The following TMEM59 variants were observed in gnomAD, a reference collection of about 807,000 sequenced individuals.
The protein encoded by TMEM59 is dendritic cell factor 1.
Under a neutral mutation model 42.2 loss-of-function variants are expected in TMEM59, and 44 were observed. The ratio of observed to expected loss-of-function variants is 1.04; its 90% CI spans 0.82 to 1.34. TMEM59 has a LOEUF of 1.34. Among genes scored for constraint, TMEM59 ranks in the 40% most tolerant of loss-of-function variants. TMEM59 has a pLI of 0.00. For synonymous variants in TMEM59, 148 were observed against 145.8 expected, an observed-to-expected ratio of 1.02 and a Z score of -0.11; for missense variants, 359 against 382.8, an observed-to-expected ratio of 0.94 and a Z score of 0.52.
intron 7 of TMEM59, among the ~76,000 whole-genome samples, chr1:54,032,688 T>C (rs149986208): frequency 1.3e-5 from 2 of 152,364 alleles, no homozygotes; most frequent in East Asian, 1.9e-4. Context: ...TAGATGCTAT[T>C]TGAAAAGGCT....
chr1:54,052,826 G>A (rs1280045348), intron 1 of TMEM59, among the ~76,000 whole-genome samples, 174 bp downstream of exon 1: 2 of 152,188 alleles, frequency 1.3e-5, no homozygotes, highest in Non-Finnish European at 2.9e-5. Flanking sequence ...TTCCGGTAAT[G>A]ACAGCAGAAA....
rs1180767701 is a variant in TMEM59 at position 54,032,157 on chromosome 1, T to C, written c.965A>G (p.Glu322Gly). 1 of 1,606,452 alleles carries C rather than the reference T, an allele frequency of 6.2e-7. No homozygotes were observed. The highest frequency in any genetic ancestry group is 8.5e-7 in the Non-Finnish European group (1 of 1,176,868). Residue 322 changes from glutamate (E) to glycine (G), a missense_variant, in exon 8 of 8, where the codon GAA (glutamate) becomes GGA (glycine). Transcript: ENST00000234831. ...CTTTTAAAAGAAAAATGCTTAAATT[T>C]CAGAATGAGCAAGATTCACTTTTGT... The part of the protein sequence containing the change: ...LPTKVNLAHS[E>G]I
chr1:54,050,566 C>CTTTCTTTT (rs543398131), intron 1 of TMEM59, among the ~76,000 whole-genome samples: 2 of 141,470 alleles, frequency 1.4e-5, no homozygotes, highest in African/African-American at 2.6e-5. Flanking sequence ...AAATATGTTT[C>CTTTCTTTT]TTTTTTTTTT....
At chr1:54,039,528 C>T (rs188975649) in intron 6 of TMEM59, among the ~76,000 whole-genome samples, 132 of 152,302 alleles carry the variant, frequency 8.7e-4, no homozygotes, top group Non-Finnish European at 1.4e-3. Context: ...CTTGTTTTCT[C>T]ACATAGTCTT....
At chr1:54,050,561 T>C (rs568259259) in intron 1 of TMEM59, among the ~76,000 whole-genome samples, 31 of 143,620 alleles carry the variant, frequency 2.2e-4, no homozygotes, top group Middle Eastern at 3.5e-3. Context: ...TAATTAAATA[T>C]GTTTCTTTTT....
In TMEM59 at chr1:54,034,193, CAA is replaced by C. The variant is rs200810318; in HGVS notation, c.817-1890_817-1889del. 4.9e-3 allele frequency: 741 copies of C among 150,028 alleles called. 4 individuals are homozygous for C. The highest frequency in any genetic ancestry group is 0.025 in the Middle Eastern group (8 of 320). 9.3% of individuals were successfully genotyped at this position (150,028 alleles called of 1,614,324 possible). ...GATGAACCTTGAAAATATGCTTAGT[CAA>C]AGAGGCCAGTCACAAGAGACTACAT... On this transcript the variant is annotated intron_variant, in intron 7 of 7. Transcript: ENST00000234831.
chr1:54,040,448 C>T (rs534369931), intron 6 of TMEM59, among the ~76,000 whole-genome samples: 5 of 152,244 alleles, frequency 3.3e-5, no homozygotes, highest in East Asian at 3.9e-4. Context: ...CCACTGTGCC[C>T]GGCCTCAGAC....
At chr1:54,053,208 G>A (rs1657640703), upstream of TMEM59, 1 of 1,612,384 alleles carries the variant, frequency 6.2e-7, no homozygotes, top group Non-Finnish European at 8.5e-7. Flanking sequence ...CTCTGTCACA[G>A]CAGCTCAGCT....
Position 54,047,309 on chromosome 1 carries a change from C to A in TMEM59, c.253G>T (p.Asp85Tyr). 3 of 1,613,994 alleles carry A rather than the reference C, an allele frequency of 1.9e-6. No individual in the cohort carries two copies. Among genetic ancestry groups the A allele is most frequent in the Non-Finnish European group, 2.5e-6 (3 of 1,179,950 alleles). Residue 85 changes from aspartate (D) to tyrosine (Y), a missense_variant, in exon 2 of 8, where the codon GAT (aspartate) becomes TAT (tyrosine). Transcript: ENST00000234831. ...RLFSICQFVD[D>Y]GIDLNRTKLE... ...TTAGTTCGATTTAAGTCAATTCCAT[C>A]ATCCACAAACTGACAAATTGAAAAC...
chr1:54,032,784 A>G (rs1243565138), intron 7 of TMEM59, among the ~76,000 whole-genome samples: 1 of 152,246 alleles, frequency 6.6e-6, no homozygotes, highest in Non-Finnish European at 1.5e-5. Flanking sequence ...TGTTAATACC[A>G]TATACAAGAA....
At chr1:54,035,107 T>C (rs1298188446) in intron 7 of TMEM59, among the ~76,000 whole-genome samples, 2 of 152,228 alleles carry the variant, frequency 1.3e-5, no homozygotes, top group Non-Finnish European at 1.5e-5. Flanking sequence ...TATATAAATG[T>C]TAGTTATCAA....
intron 1 of TMEM59, 49 bp downstream of exon 1, chr1:54,052,951 G>GA (rs1346355235): frequency 6.4e-7 from 1 of 1,565,528 alleles, no homozygotes; most frequent in Non-Finnish European, 8.7e-7. Context: ...GGGGAGCCGA[G>GA]AAATGGGCTG....
chr1:54,035,588 A>C (rs917842127), intron 7 of TMEM59, among the ~76,000 whole-genome samples: 5 of 151,772 alleles, frequency 3.3e-5, no homozygotes, highest in African/African-American at 9.7e-5. Flanking sequence ...GAATATAACA[A>C]CTCAAAATCA....
chr1:54,047,637 A>G (rs915367583), intron 1 of TMEM59: 4 of 379,696 alleles, frequency 1.1e-5, no homozygotes, highest in African/African-American at 8.7e-5. Flanking sequence ...TTTGGTTACA[A>G]TCTGTGGGGG....
intron 7 of TMEM59, among the ~76,000 whole-genome samples, chr1:54,036,121 T>C (rs1656941714): frequency 6.6e-6 from 1 of 152,058 alleles, no homozygotes; most frequent in Admixed American, 6.6e-5. Flanking sequence ...CCATTTCTAC[T>C]GAATATACAA....
In TMEM59 at chr1:54,030,265, G is replaced by C. The variant is rs544465922; in HGVS notation, c.*1885C>G. 9.0e-4 allele frequency: 137 copies of C among 152,132 alleles called. 1 individual carries two copies. The highest frequency in any genetic ancestry group is 3.3e-3 in the African/African-American group (135 of 41,502). 9.4% of individuals were successfully genotyped at this position (152,132 alleles called of 1,614,324 possible). ...TAAGGGAGGGTCTTTTCTAACAGTG[G>C]GCTCTTTGATTCCTGTGAGACAGCA... On this transcript the variant is annotated 3_prime_UTR_variant, in exon 8 of 8. Transcript: ENST00000234831.
Position 54,040,781 on chromosome 1 carries a change from C to CACTT in TMEM59, c.678_681dup (p.Asp228LysfsTer2). The CACTT allele has an allele frequency of 6.2e-7, 1 of 1,613,796 alleles. No individual in the cohort carries two copies. The highest frequency in any genetic ancestry group is 1.7e-5 in the Admixed American group (1 of 60,024). On this transcript the variant is annotated frameshift_variant, in exon 6 of 8. Coordinates refer to ENST00000234831, the MANE Select transcript of TMEM59 (RefSeq NM_004872.5). LOFTEE classifies it high-confidence loss of function. ...AGAGAGAGGCATCTTAAAAAGCCAT[C>CACTT]ACTTTCTCCATCTTCAAGAAAATTC...
At position 54,040,779 on chromosome 1, in the gene TMEM59, A is replaced by G. The variant is rs367976642; in HGVS notation, c.684T>C (p.Asp228=). 43 of 1,613,714 alleles carry G rather than the reference A, an allele frequency of 2.7e-5. No homozygotes were observed. In the African/African-American group the frequency reaches 5.5e-4, roughly 21 times the overall value. Residue 228 remains aspartate, a synonymous_variant, in exon 6 of 8, where the codon GAT becomes GAC. Transcript: ENST00000234831. ...HRNFLEDGES[D]GFLRCLSLNS... is the part of the protein sequence containing the mutation. ...ACAGAGAGAGGCATCTTAAAAAGCC[A>G]TCACTTTCTCCATCTTCAAGAAAAT...
At chr1:54,039,375 T>G (rs969921168) in intron 6 of TMEM59, among the ~76,000 whole-genome samples, 6 of 152,158 alleles carry the variant, frequency 3.9e-5, no homozygotes, top group Admixed American at 3.9e-4. Flanking sequence ...AACTGTAACT[T>G]AAGATTAAAT....
Sources: allele counts gnomAD v4.1 joint callset (sites outside exome capture counted in the v4.1 genomes callset), GRCh38; gene constraint gnomAD v4.1.1; transcripts MANE v1.5; gene names NCBI Gene and HGNC (gene_info 2026-07-23, HGNC 2026-07-21).